Variants in DNAI7 observed in about 807,000 individuals in gnomAD.
The protein encoded by DNAI7 is dynein axonemal intermediate chain 7.
DNAI7 carries 78 observed loss-of-function variants against 86.6 expected under a neutral mutation model. The ratio of observed to expected loss-of-function variants is 0.90; its 90% confidence interval spans 0.75 to 1.09. The LOEUF (loss-of-function observed/expected upper bound fraction) is 1.09, where lower values mean the gene tolerates loss of function less well. Ranked by LOEUF, DNAI7 falls within the 50% of genes least tolerant of loss-of-function variation. The pLI is 0.00. For missense variants in DNAI7, 753 were observed against 810.2 expected, an observed-to-expected ratio of 0.93 and a Z score of 0.86; for synonymous variants, 274 against 273.0, an observed-to-expected ratio of 1.00 and a Z score of -0.04.
At chr12:25,145,859 G>A (rs945150531) in intron 8 of DNAI7, among the ~76,000 whole-genome samples, 2 of 152,166 alleles carry the variant, frequency 1.3e-5, no homozygotes, top group Non-Finnish European at 2.9e-5. Flanking sequence ...TCATTCCTCA[G>A]AAAGATGTTT....
chr12:25,146,891 G>T, intron 8 of DNAI7, 110 bp downstream of exon 8: 1 of 620,170 alleles, frequency 1.6e-6, no homozygotes, highest in South Asian at 2.2e-5. Context: ...CCTGAAATGG[G>T]CTTTTCCAAA....
intron 9 of DNAI7, among the ~76,000 whole-genome samples, chr12:25,138,759 G>A (rs1943836608): frequency 6.6e-6 from 1 of 150,962 alleles, no homozygotes; most frequent in Admixed American, 6.6e-5. Context: ...AACTCTGAAA[G>A]AGCACAAATA....
chr12:25,133,814 T>C (rs1053579377), intron 9 of DNAI7, among the ~76,000 whole-genome samples: 1 of 152,190 alleles, frequency 6.6e-6, no homozygotes, highest in African/African-American at 2.4e-5. Flanking sequence ...CCTGTCCCTT[T>C]CTAAATCCCA....
intron 6 of DNAI7, among the ~76,000 whole-genome samples, chr12:25,150,069 C>T (rs1161604868): frequency 6.6e-6 from 1 of 152,140 alleles, no homozygotes; most frequent in Non-Finnish European, 1.5e-5. Context: ...CAGAAGAGTG[C>T]CATCTGTCTA....
At chr12:25,107,139 T>G, downstream of DNAI7, 1 of 564,414 alleles carries the variant, frequency 1.8e-6, no homozygotes, top group Non-Finnish European at 3.0e-6. Context: ...ATCAAATTAC[T>G]AAAAGACATG....
In DNAI7 at chr12:25,195,091, T is replaced by A. The variant is rs2141454040; in HGVS notation, c.-13A>T. The A allele has an allele frequency of 1.2e-6, 2 of 1,613,948 alleles. No homozygotes were observed. The highest frequency in any genetic ancestry group is 1.7e-6 in the Non-Finnish European group (2 of 1,179,784). On this transcript the variant is annotated 5_prime_UTR_variant, in exon 1 of 16. Transcript: ENST00000395987. Reference sequence around the variant, plus strand: ...CCTTGCTCACCATTAAGAGTCAAGCTCCACTGCAGTAGTCCGCAGAGTCGG... The same window carrying A: ...CCTTGCTCACCATTAAGAGTCAAGCACCACTGCAGTAGTCCGCAGAGTCGG...
intron 9 of DNAI7, among the ~76,000 whole-genome samples, chr12:25,126,495 T>G (rs1037714218): frequency 2.0e-5 from 3 of 151,618 alleles, no homozygotes; most frequent in African/African-American, 7.3e-5. Context: ...ATAGGAGAGA[T>G]GATAAGGAAT....
At chr12:25,154,067 GA>G (rs914001553) in intron 6 of DNAI7, among the ~76,000 whole-genome samples, 42 of 152,002 alleles carry the variant, frequency 2.8e-4, no homozygotes, top group African/African-American at 8.9e-4. Context: ...CATGCAACTT[GA>G]TTTTTTTTTC....
intron 9 of DNAI7, among the ~76,000 whole-genome samples, chr12:25,143,159 G>A (rs1382627036): frequency 3.3e-5 from 5 of 151,728 alleles, no homozygotes; most frequent in East Asian, 1.9e-4. Flanking sequence ...AAATTTTCAC[G>A]TGCTTGTCAT....
intron 2 of DNAI7, among the ~76,000 whole-genome samples, chr12:25,174,528 T>TCC (rs368430977): frequency 0.031 from 2,803 of 91,760 alleles, 846 homozygotes; most frequent in Non-Finnish European, 0.044. Flanking sequence ...ATCATATATA[T>TCC]CATATATATG....
Position 25,158,539 on chromosome 12 carries a change from T to C in DNAI7, c.131A>G (p.Lys44Arg), listed in dbSNP as rs1449447148. ...TATTTCAAGCCTTTCCATTTCTTCT[T>C]TCTCATATTTCAAACGGGCTTCCTC... ...EEEEARLKYE[K>R]EEMERLEIQR... Residue 44 changes from lysine to arginine, a missense_variant, in exon 4 of 16, where the codon AAA becomes AGA. By Grantham distance (26) the Lys-to-Arg change is conservative. Coordinates refer to ENST00000395987, the MANE Select transcript of DNAI7 (RefSeq NM_018272.5). The C allele has an allele frequency of 6.2e-7, 1 of 1,612,974 alleles. No homozygotes were observed. Among genetic ancestry groups the C allele is most frequent in the East Asian group, 2.2e-5 (1 of 44,794 alleles).
chr12:25,151,787 G>C (rs1387529251), intron 6 of DNAI7, among the ~76,000 whole-genome samples: 1 of 152,184 alleles, frequency 6.6e-6, no homozygotes, highest in Non-Finnish European at 1.5e-5. Context: ...TCTCACAGTG[G>C]ACTGCAAGCA....
chr12:25,194,656 T>A (rs1592772604), intron 1 of DNAI7, among the ~76,000 whole-genome samples: 4 of 152,138 alleles, frequency 2.6e-5, no homozygotes, highest in Admixed American at 2.6e-4. Flanking sequence ...AAAGACGACA[T>A]AAAATATTTT....
chr12:25,131,244 T>A (rs1461053567), intron 9 of DNAI7, among the ~76,000 whole-genome samples: 1 of 152,030 alleles, frequency 6.6e-6, no homozygotes, highest in Non-Finnish European at 1.5e-5. Context: ...TGATCTTACA[T>A]GTAGTCCCTA....
chr12:25,146,740 C>T (rs1437284406), intron 8 of DNAI7, among the ~76,000 whole-genome samples: 1 of 152,168 alleles, frequency 6.6e-6, no homozygotes, highest in Admixed American at 6.5e-5. Flanking sequence ...TATGCTATAA[C>T]ACATGCACTA....
chr12:25,126,261 C>G (rs2200403), intron 9 of DNAI7, among the ~76,000 whole-genome samples: 151,990 of 152,258 alleles, frequency 1, 75,864 homozygotes, highest in Non-Finnish European at 1. Context: ...AGATTGTGGA[C>G]AGCTCTGAAT....
intron 7 of DNAI7, among the ~76,000 whole-genome samples, chr12:25,149,162 T>A (rs562832396): frequency 6.6e-6 from 1 of 152,286 alleles, no homozygotes; most frequent in Non-Finnish European, 1.5e-5. Flanking sequence ...TATATTAGGA[T>A]GAGGTCTCCT....
intron 9 of DNAI7, among the ~76,000 whole-genome samples, chr12:25,135,669 T>C (rs1357216427): frequency 3.3e-5 from 5 of 152,064 alleles, no homozygotes; most frequent in Non-Finnish European, 5.9e-5. Flanking sequence ...TGGTGATGCA[T>C]GGTGGGAGTG....
chr12:25,190,212 G>A (rs2141382600), intron 2 of DNAI7, among the ~76,000 whole-genome samples: 1 of 152,222 alleles, frequency 6.6e-6, no homozygotes, highest in South Asian at 2.1e-4. Context: ...GTGTTACCAT[G>A]CAACCCATTT....
Sources: gnomAD v4.1 joint callset for allele counts (sites outside exome capture counted in the v4.1 genomes callset) on GRCh38, gnomAD v4.1.1 for gene constraint, MANE v1.5 for transcripts, NCBI Gene and HGNC (gene_info 2026-07-23, HGNC 2026-07-21) for gene names.